The following P2RX7 variants were observed in gnomAD, a reference collection of about 807,000 sequenced individuals.
The protein encoded by P2RX7 is purinergic receptor P2X 7, also known as P2X purinoceptor 7.
In P2RX7, 62 loss-of-function variants were observed where a neutral mutation model predicts 71.6. That is an observed-to-expected ratio of 0.87 (90% CI 0.71 to 1.07). P2RX7 has a LOEUF of 1.07. Among genes scored for constraint, P2RX7 ranks in the 50% least tolerant of loss-of-function variants. P2RX7 has a pLI of 0.00. For synonymous variants in P2RX7, 299 were observed against 283.3 expected (o/e 1.06, Z -0.56); for missense variants, 686 against 748.5 (o/e 0.92, Z 0.97).
intron 11 of P2RX7, among the ~76,000 whole-genome samples, chr12:121,179,106 T>A (rs1883666619): frequency 6.6e-6 from 1 of 152,114 alleles, no homozygotes; most frequent in South Asian, 2.1e-4. Flanking sequence ...TTTAGCGTCA[T>A]CTGTATTGTT....
intron 1 of P2RX7, among the ~76,000 whole-genome samples, chr12:121,148,032 T>C (rs1235455582): frequency 6.6e-6 from 1 of 152,118 alleles, no homozygotes; most frequent in East Asian, 1.9e-4. Flanking sequence ...TAGAAAGAAC[T>C]AATAACATAT....
At chr12:121,153,949 C>T (rs1017619779) in intron 1 of P2RX7, among the ~76,000 whole-genome samples, 18 of 151,858 alleles carry the variant, frequency 1.2e-4, no homozygotes, top group African/African-American at 2.7e-4. Flanking sequence ...AAGAGACCCC[C>T]GTCTCTATAA....
At chr12:121,158,067 G>A (rs1320123844) in intron 3 of P2RX7, among the ~76,000 whole-genome samples, 4 of 151,988 alleles carry the variant, frequency 2.6e-5, no homozygotes, top group Non-Finnish European at 4.4e-5. Context: ...GTTTGGGCTG[G>A]TCTAATTGGG....
chr12:121,163,497 T>C (rs530838700), intron 5 of P2RX7, among the ~76,000 whole-genome samples: 1 of 152,198 alleles, frequency 6.6e-6, no homozygotes, highest in Admixed American at 6.5e-5. Flanking sequence ...CATGTGGCTA[T>C]TGAGTACATG....
Position 121,154,719 on chromosome 12 carries a change from C to A in P2RX7, c.126-66C>A. The A allele has an allele frequency of 9.7e-7, 1 of 1,025,974 alleles. No homozygotes were observed. Among genetic ancestry groups the A allele is most frequent in the Non-Finnish European group, 1.6e-6 (1 of 643,310 alleles). The allele number at this position is 1,025,974 out of a possible 1,614,324, so 63.6% of individuals were successfully genotyped here. On this transcript the variant is annotated intron_variant, in intron 1 of 12. Transcript: ENST00000328963. The surrounding 1 kb of genome is among the most constrained non-coding windows in gnomAD (Gnocchi z 4.2). ...TTGGAACAGAAGTGCCTGCATCCTC[C>A]AACGCCTGCATCCCAACCCGCTGTG... is the stretch of plus-strand genomic sequence containing the variant.
At position 121,136,822 on chromosome 12, in the gene P2RX7, A is replaced by G. The variant is rs1262769932; in HGVS notation, c.125+3727A>G. On this transcript the variant is annotated intron_variant, in intron 1 of 12. Transcript: ENST00000328963. Reference sequence around the variant, plus strand: ...CCACCACGCCCAGCTAATTTTTTGTATTTTTGGTAGAGACAGGGTTTCACC... The same window carrying G: ...CCACCACGCCCAGCTAATTTTTTGTGTTTTTGGTAGAGACAGGGTTTCACC... Among the ~76,000 whole-genome samples the G allele has an allele frequency of 2.7e-5, 4 of 149,456 alleles. No individual in the cohort carries two copies. In the East Asian group the frequency reaches 8.0e-4, roughly 30 times the overall value.
At chr12:121,159,238 G>A (rs866071691) in intron 3 of P2RX7, among the ~76,000 whole-genome samples, 1 of 151,908 alleles carries the variant, frequency 6.6e-6, no homozygotes, top group South Asian at 2.1e-4. Context: ...CCAAGATGGG[G>A]AAACACCGTC....
At chr12:121,153,185 A>T (rs890450428) in intron 1 of P2RX7, among the ~76,000 whole-genome samples, 3 of 152,122 alleles carry the variant, frequency 2.0e-5, no homozygotes, top group Admixed American at 6.6e-5. Context: ...GGGACTGGGG[A>T]CTTGAAAGCT....
intron 8 of P2RX7, among the ~76,000 whole-genome samples, chr12:121,172,608 A>G (rs2567990): frequency 0.92 from 140,137 of 152,258 alleles, 64,632 homozygotes; most frequent in South Asian, 0.96. Flanking sequence ...TCCAGCCTGG[A>G]TGACAGAGCC....
chr12:121,153,839 G>T (rs535059789), intron 1 of P2RX7, among the ~76,000 whole-genome samples: 1 of 152,264 alleles, frequency 6.6e-6, no homozygotes, highest in Non-Finnish European at 1.5e-5. Context: ...GCAGCCTGGT[G>T]TGGTGGCCCA....
chr12:121,155,534 A>G, intron 2 of P2RX7, among the ~76,000 whole-genome samples: 1 of 152,136 alleles, frequency 6.6e-6, no homozygotes, highest in Non-Finnish European at 1.5e-5. Context: ...CAAAAAACAG[A>G]TAAGGGGGCG....
intron 5 of P2RX7, among the ~76,000 whole-genome samples, chr12:121,164,519 G>C (rs534652621): frequency 5.3e-5 from 8 of 152,130 alleles, no homozygotes; most frequent in African/African-American, 1.9e-4. Flanking sequence ...GGTGGCTCAC[G>C]CCTGTAATCC....
At chr12:121,165,266 C>T in intron 5 of P2RX7, 91 bp from the exon 6 acceptor site, 2 of 946,218 alleles carry the variant, frequency 2.1e-6, no homozygotes, top group Non-Finnish European at 3.4e-6. Context: ...AAAGACCAAG[C>T]CAAGAAACCA....
chr12:121,148,139 T>A lies in P2RX7; in HGVS notation c.126-6646T>A, dbSNP rs190843063. ...GTCTAGGTGTGGACATAAAGAGATA[T>A]CTAGAAGACACTCCCATTGCCTATG... On this transcript the variant is annotated intron_variant, in intron 1 of 12. Coordinates refer to ENST00000328963, the MANE Select transcript of P2RX7 (RefSeq NM_002562.6). Among the ~76,000 whole-genome samples, 345 of 152,178 alleles carry A rather than the reference T, an allele frequency of 2.3e-3. 2 individuals carry two copies. The highest frequency in any genetic ancestry group is 7.7e-3 in the African/African-American group (321 of 41,520).
chr12:121,143,585 C>T (rs1460004171), intron 1 of P2RX7, among the ~76,000 whole-genome samples: 4 of 150,692 alleles, frequency 2.7e-5, no homozygotes, highest in Non-Finnish European at 4.4e-5. Context: ...CGCGGTGGCT[C>T]ACGTCTGTAA....
chr12:121,171,862 C>CTTTCTTT lies in P2RX7; in HGVS notation c.882-3523_882-3522insCTTTTTT, dbSNP rs1555228404. ...ACTCACCCCAAGTGATTCTTTCTTT[C>CTTTCTTT]TTTTTTTTTTTTTTTTTGAGATGGA... On this transcript the variant is annotated intron_variant, in intron 8 of 12. Coordinates refer to ENST00000328963, the MANE Select transcript of P2RX7 (RefSeq NM_002562.6). 1.4e-3 allele frequency among the ~76,000 whole-genome samples: 188 copies of CTTTCTTT among 131,122 alleles called. 5 individuals are homozygous for CTTTCTTT. In the East Asian group the frequency reaches 0.037, roughly 26 times the overall value. 86.0% of individuals were successfully genotyped at this position (131,122 alleles called of 152,430 possible). A position where few individuals can be genotyped will look rare whatever the true frequency, so the allele number is the denominator to read the frequency against.
chr12:121,178,938 T>G (rs1883632171), intron 11 of P2RX7, among the ~76,000 whole-genome samples: 1 of 152,064 alleles, frequency 6.6e-6, no homozygotes, highest in African/African-American at 2.4e-5. Context: ...GAAGCTAATC[T>G]GTATATTTTC....
At chr12:121,134,915 T>A (rs2135965083) in intron 1 of P2RX7, among the ~76,000 whole-genome samples, 1 of 152,234 alleles carries the variant, frequency 6.6e-6, no homozygotes, top group South Asian at 2.1e-4. Flanking sequence ...AGTCATTAAC[T>A]TCTCTGAGCC....
chr12:121,177,051 A>G, intron 9 of P2RX7, 96 bp from the exon 10 acceptor site: 1 of 1,034,274 alleles, frequency 9.7e-7, no homozygotes, highest in Non-Finnish European at 1.5e-6. Context: ...TCACAGCATG[A>G]GGCTCCGCTC....
Sources: allele counts gnomAD v4.1 joint callset (sites outside exome capture counted in the v4.1 genomes callset), GRCh38; gene constraint gnomAD v4.1.1; non-coding constraint Gnocchi (gnomAD v3.1); transcripts MANE v1.5; gene names NCBI Gene and HGNC (gene_info 2026-07-23, HGNC 2026-07-21).